Variants in KCNN4 observed in about 807,000 individuals in gnomAD.
The protein encoded by KCNN4 is intermediate conductance calcium-activated potassium channel protein 4.
KCNN4 carries 31 observed loss-of-function variants against 45.2 expected under a neutral mutation model. The observed-to-expected ratio is 0.69, with a 90% CI of 0.52 to 0.92. The LOEUF (loss-of-function observed/expected upper bound fraction) is 0.92. Among genes scored for constraint, KCNN4 ranks in the 40% least tolerant of loss-of-function variants. The pLI is 0.00. For synonymous variants in KCNN4, 231 were observed against 254.6 expected (o/e 0.91, Z 0.88); for missense variants, 463 against 574.0 (o/e 0.81, Z 1.98).
At position 43,774,523 on chromosome 19, in the gene KCNN4, G is replaced by C; in HGVS notation, c.352C>G (p.His118Asp). The C allele has an allele frequency of 6.3e-7, 1 of 1,596,952 alleles. No homozygotes were observed. The highest frequency in any genetic ancestry group is 8.5e-7 in the Non-Finnish European group (1 of 1,175,874). The change falls in exon 3 of 9, where the codon CAC becomes GAC. Residue 118 changes from histidine to aspartate, a missense_variant. His to Asp is a moderately conservative substitution (Grantham distance 81). Transcript: ENST00000648319. This position sits in a 1 kb window ranked among gnomAD's most constrained non-coding sequence, Gnocchi z 5.6. The part of the protein sequence containing the change: ...IVLELVVCGL[H>D]PAPVRGPPCV... Reference sequence around the variant, plus strand: ...GGCGGGCCCCGCACGGGCGCCGGGTGCAGCCCACACACCACCAGCTCCAGC... The same window carrying C: ...GGCGGGCCCCGCACGGGCGCCGGGTCCAGCCCACACACCACCAGCTCCAGC...
At position 43,774,259 on chromosome 19, in the gene KCNN4, G is replaced by C. The variant is rs748647374; in HGVS notation, c.616C>G (p.Arg206Gly). 6.2e-7 allele frequency: 1 copy of C among 1,612,934 alleles called. No individual in the cohort carries two copies. Among genetic ancestry groups the C allele is most frequent in the Non-Finnish European group, 8.5e-7 (1 of 1,179,536 alleles). Residue 206 changes from arginine to glycine, a missense_variant, in exon 3 of 9, where the codon CGC becomes GGC. Transcript: ENST00000648319. This position sits in a 1 kb window ranked among gnomAD's most constrained non-coding sequence, Gnocchi z 5.6. ...CCAAGCGTGAGGCCGAGCAGCAGGC[G>C]GCCAGGGTGCGTGTTCATGTAAAGC... is the stretch of plus-strand genomic sequence containing the variant. ...AKLYMNTHPG[R>G]LLLGLTLGLW...
Position 43,775,731 on chromosome 19 carries a change from T to C in KCNN4, c.255+810A>G, listed in dbSNP as rs555268812. ...CAATGGGACAATAGGGGATGGGATGTGTCTGGGTGAGACCCAAGGTGGGGT... is the reference window on the plus strand; with the variant it reads ...CAATGGGACAATAGGGGATGGGATGCGTCTGGGTGAGACCCAAGGTGGGGT... On this transcript the variant is annotated intron_variant, in intron 2 of 8. Coordinates refer to ENST00000648319, the MANE Select transcript of KCNN4 (RefSeq NM_002250.3). Among the ~76,000 whole-genome samples the C allele has an allele frequency of 2.0e-5, 3 of 152,048 alleles. No homozygotes were observed. In the South Asian group the frequency reaches 6.2e-4, roughly 32 times the overall value.
intron 4 of KCNN4, 139 bp downstream of exon 4, chr19:43,771,861 C>A: frequency 1.0e-6 from 1 of 995,792 alleles, no homozygotes; most frequent in Non-Finnish European, 1.4e-6. Context: ...GAGAATGGGG[C>A]TCTGGGGGCC....
chr19:43,780,497 C>CCTCCCTCAGACCCAGG (rs1568396955), intron 1 of KCNN4, among the ~76,000 whole-genome samples: 2 of 123,314 alleles, frequency 1.6e-5, no homozygotes, highest in Non-Finnish European at 3.4e-5. Flanking sequence ...TCCAGGCCCT[C>CCTCCCTCAGACCCAGG]AGTCCCTCCT....
intron 8 of KCNN4, 28 bp downstream of exon 8, chr19:43,767,512 C>T (rs561228313): frequency 1.9e-6 from 3 of 1,605,802 alleles, no homozygotes; most frequent in African/African-American, 2.7e-5. Flanking sequence ...TCCAGGATGC[C>T]TTCCTGCCCA....
chr19:43,772,220 C>CCCCTTCCCTCTGGTTCCCT lies in KCNN4; in HGVS notation c.684-104_684-86dup, dbSNP rs1429204148. The CCCCTTCCCTCTGGTTCCCT allele has an allele frequency of 4.1e-6, 6 of 1,445,938 alleles. No individual in the cohort carries two copies. In the Admixed American group the frequency reaches 9.1e-5, roughly 22 times the overall value. 89.6% of individuals were successfully genotyped at this position (1,445,938 alleles called of 1,614,324 possible). ...TCCCCTTCCCTCTATACCCTCCCAT[C>CCCCTTCCCTCTGGTTCCCT]CCCTTCCCTCTGGTTCCCTCCCTTC... On this transcript the variant is annotated intron_variant, in intron 3 of 8. Transcript: ENST00000648319. This position sits in a 1 kb window ranked among gnomAD's most constrained non-coding sequence, Gnocchi z 4.4.
Position 43,769,635 on chromosome 19 carries a change from C to T in KCNN4, c.931-75G>A. ...GGAAGGCAGGGCTAGGGCTGGGACT[C>T]TTGGGTCCTAGGGGAAGCAGGGGCG... On this transcript the variant is annotated intron_variant, in intron 5 of 8. Transcript: ENST00000648319. The surrounding 1 kb of genome is among the most constrained non-coding windows in gnomAD (Gnocchi z 4.4). 2 of 1,570,462 alleles carry T rather than the reference C, an allele frequency of 1.3e-6. No individual in the cohort carries two copies. Among genetic ancestry groups the T allele is most frequent in the Admixed American group, 1.7e-5 (1 of 59,784 alleles).
chr19:43,778,999 G>A (rs1258801781), intron 1 of KCNN4, among the ~76,000 whole-genome samples: 1 of 152,174 alleles, frequency 6.6e-6, no homozygotes, highest in Admixed American at 6.5e-5. Flanking sequence ...TTCAAGACCA[G>A]CCTAGGCAAC....
rs745538044 is a variant in KCNN4, at chr19:43,772,139, T to C, written c.684-4A>G. On this transcript the variant is annotated splice_polypyrimidine_tract_variant and splice_region_variant and intron_variant, in intron 3 of 8. Coordinates refer to ENST00000648319, the MANE Select transcript of KCNN4 (RefSeq NM_002250.3). The surrounding 1 kb of genome is among the most constrained non-coding windows in gnomAD (Gnocchi z 4.4). ...CCCAGTGGCATTAACAGCCTGCCTA[T>C]GGGGAAGGGTAGGTTAGTTCTAAAA... The C allele has an allele frequency of 6.2e-7, 1 of 1,613,494 alleles. No homozygotes were observed. Among genetic ancestry groups the C allele is most frequent in the Non-Finnish European group, 8.5e-7 (1 of 1,179,798 alleles).
In KCNN4 at chr19:43,775,400, T is replaced by A. The variant is rs993799425; in HGVS notation, c.256-781A>T. ...CGTGGATACGCCAGGTACTGCTCTA[T>A]CCCGTTTACATATTGTGACTTAGTA... On this transcript the variant is annotated intron_variant, in intron 2 of 8. Coordinates refer to ENST00000648319, the MANE Select transcript of KCNN4 (RefSeq NM_002250.3). Among the ~76,000 whole-genome samples the A allele has an allele frequency of 1.3e-5, 2 of 152,168 alleles. 1 individual carries two copies. The highest frequency in any genetic ancestry group is 4.1e-4 in the South Asian group (2 of 4,826).
chr19:43,769,840 AG>A lies in KCNN4; in HGVS notation c.820-12del. 1.3e-6 allele frequency: 2 copies of A among 1,599,500 alleles called. No individual in the cohort carries two copies. ...TGTGCAGCAGACACCCTGTGGGCAC[AG>A]CAGGCACCGTGGCATGAGGCTGTGC... On this transcript the variant is annotated splice_polypyrimidine_tract_variant and intron_variant, in intron 4 of 8. Coordinates refer to ENST00000648319, the MANE Select transcript of KCNN4 (RefSeq NM_002250.3). The surrounding 1 kb of genome is among the most constrained non-coding windows in gnomAD (Gnocchi z 4.4).
chr19:43,776,717 ATT>A (rs373080093), intron 1 of KCNN4, 81 bp from the exon 2 acceptor site: 482 of 664,822 alleles, frequency 7.3e-4, no homozygotes, highest in South Asian at 9.8e-4. Flanking sequence ...CAAAACCACC[ATT>A]TTTTTTTTTT....
Sources: gnomAD v4.1 joint callset for allele counts (sites outside exome capture counted in the v4.1 genomes callset) on GRCh38, gnomAD v4.1.1 for gene constraint, Gnocchi (gnomAD v3.1) non-coding constraint, MANE v1.5 for transcripts, NCBI Gene and HGNC (gene_info 2026-07-23, HGNC 2026-07-21) for gene names.